Variants in CAP2 observed in about 807,000 individuals in gnomAD.
The protein encoded by CAP2 is adenylyl cyclase-associated protein 2.
Under a neutral mutation model 57.7 loss-of-function variants are expected in CAP2, and 24 were observed. That is an observed-to-expected ratio of 0.42 (90% CI 0.30 to 0.58). The LOEUF is 0.58. Among genes scored for constraint, CAP2 ranks in the 20% least tolerant of loss-of-function variants. CAP2 has a pLI of 0.22. For missense variants in CAP2, 501 were observed against 590.3 expected, an observed-to-expected ratio of 0.85 and a Z score of 1.57; for synonymous variants, 194 against 207.2, an observed-to-expected ratio of 0.94 and a Z score of 0.55.
rs186824235 is a variant in CAP2, at chr6:17,471,883, T to C, written c.300+8810T>C. Among the ~76,000 whole-genome samples the C allele has an allele frequency of 6.6e-3, 1,005 of 152,190 alleles. 2 individuals carry two copies. Among genetic ancestry groups the C allele is most frequent in the Non-Finnish European group, 0.011 (745 of 67,988 alleles). Reference sequence around the variant, plus strand: ...TGTATCACGCTTAGTTATGTTTCAGTTTAGCCATTTAGCCGTGGTATTTCC... The same window carrying C: ...TGTATCACGCTTAGTTATGTTTCAGCTTAGCCATTTAGCCGTGGTATTTCC... On this transcript the variant is annotated intron_variant, in intron 4 of 12. Transcript: ENST00000229922.
intron 7 of CAP2, among the ~76,000 whole-genome samples, chr6:17,528,053 A>G (rs1206582834): frequency 6.6e-6 from 1 of 152,222 alleles, no homozygotes; most frequent in Non-Finnish European, 1.5e-5. Context: ...GAGTACCCAT[A>G]CAGGCATTCT....
At chr6:17,530,018 C>G (rs560579171) in intron 7 of CAP2, among the ~76,000 whole-genome samples, 6 of 151,522 alleles carry the variant, frequency 4.0e-5, no homozygotes, top group African/African-American at 1.5e-4. Flanking sequence ...CATTGTTAGT[C>G]TCTATAGTTG....
In CAP2 at chr6:17,513,999, C is replaced by G. The variant is rs1215988304; in HGVS notation, c.636+45C>G. 2 of 1,116,358 alleles carry G rather than the reference C, an allele frequency of 1.8e-6. No individual in the cohort carries two copies. The highest frequency in any genetic ancestry group is 3.4e-5 in the Admixed American group (2 of 59,178). 69.2% of individuals were successfully genotyped at this position (1,116,358 alleles called of 1,614,324 possible). A position where few individuals can be genotyped will look rare whatever the true frequency, so the allele number is the denominator to read the frequency against. On this transcript the variant is annotated intron_variant, in intron 7 of 12. Coordinates refer to ENST00000229922, the MANE Select transcript of CAP2 (RefSeq NM_006366.3). The surrounding 1 kb of genome is among the most constrained non-coding windows in gnomAD (Gnocchi z 4.3). ...CCACGTGTGTAAAAAAAGGCCATGA[C>G]TATATATACACCCTGTGGCCCAGTA...
At chr6:17,514,028 T>C in intron 7 of CAP2, 74 bp downstream of exon 7, 1 of 942,752 alleles carries the variant, frequency 1.1e-6, no homozygotes, top group Middle Eastern at 2.1e-4. Context: ...CCCAGTAATC[T>C]CACACCTTAA....
chr6:17,453,906 T>TTC lies in CAP2; in HGVS notation c.223-9089_223-9088insCT, dbSNP rs1446695764. Among the ~76,000 whole-genome samples, 980 of 149,962 alleles carry TTC rather than the reference T, an allele frequency of 6.5e-3. 22 individuals carry two copies. The highest frequency in any genetic ancestry group is 0.022 in the African/African-American group (913 of 40,856). On this transcript the variant is annotated intron_variant, in intron 3 of 12. Transcript: ENST00000229922. ...GGGCTCTTTCTCTTTTTATTCTTTT[T>TTC]TTTTTTTTTTTTTCCTTGCCCAGGC...
intron 1 of CAP2, among the ~76,000 whole-genome samples, chr6:17,403,492 A>G (rs568285513): frequency 2.6e-5 from 4 of 152,340 alleles, no homozygotes; most frequent in Admixed American, 1.3e-4. Context: ...TTTCCAATAA[A>G]GTTGCTTTTT....
At chr6:17,547,927 T>C (rs1199231130) in intron 11 of CAP2, among the ~76,000 whole-genome samples, 1 of 151,816 alleles carries the variant, frequency 6.6e-6, no homozygotes, top group African/African-American at 2.4e-5. Context: ...AAAATGCCCT[T>C]ATTTCCCAAC....
In CAP2 at chr6:17,513,747, C is replaced by A. The variant is rs559986276; in HGVS notation, c.531-102C>A. ...GTTGCAAGGACGATTGCTCCGGGCTCCAGGGCCCCTAGTCACTAGATAACC... is the reference window on the plus strand; with the variant it reads ...GTTGCAAGGACGATTGCTCCGGGCTACAGGGCCCCTAGTCACTAGATAACC... On this transcript the variant is annotated intron_variant, in intron 6 of 12. Coordinates refer to ENST00000229922, the MANE Select transcript of CAP2 (RefSeq NM_006366.3). This position sits in a 1 kb window ranked among gnomAD's most constrained non-coding sequence, Gnocchi z 4.3. 1,097 of 753,140 alleles carry A rather than the reference C, an allele frequency of 1.5e-3. 3 individuals carry two copies. The highest frequency in any genetic ancestry group is 2.1e-3 in the Non-Finnish European group (905 of 432,560). The allele number at this position is 753,140 out of a possible 1,614,324, so 46.7% of individuals were successfully genotyped here. A position where few individuals can be genotyped will look rare whatever the true frequency, so the allele number is the denominator to read the frequency against.
intron 3 of CAP2, 26 bp downstream of exon 3, chr6:17,426,716 A>C: frequency 6.6e-7 from 1 of 1,508,400 alleles, no homozygotes; most frequent in African/African-American, 1.4e-5. Context: ...CCCTGTTCTC[A>C]GTAGAGAGTT....
At chr6:17,509,106 G>T (rs1762072972) in intron 6 of CAP2, among the ~76,000 whole-genome samples, 1 of 151,780 alleles carries the variant, frequency 6.6e-6, no homozygotes, top group Admixed American at 6.6e-5. Context: ...AGAACCAGAA[G>T]AAAAGGGTCT....
At chr6:17,526,418 A>G (rs1039070725) in intron 7 of CAP2, among the ~76,000 whole-genome samples, 1 of 152,014 alleles carries the variant, frequency 6.6e-6, no homozygotes, top group Non-Finnish European at 1.5e-5. Context: ...GCACCCAGCC[A>G]AAATGTGTCT....
intron 4 of CAP2, among the ~76,000 whole-genome samples, chr6:17,499,142 T>C (rs555618627): frequency 1.3e-4 from 20 of 152,238 alleles, no homozygotes; most frequent in African/African-American, 4.8e-4. Flanking sequence ...CTCACGCCTG[T>C]AATCCCAGCA....
intron 4 of CAP2, chr6:17,493,467 G>A: frequency 3.9e-6 from 1 of 256,904 alleles, no homozygotes. Flanking sequence ...TACCCATAAT[G>A]GAGGCTGGCT....
intron 4 of CAP2, among the ~76,000 whole-genome samples, chr6:17,494,179 G>A (rs1181083979): frequency 6.6e-6 from 1 of 152,188 alleles, no homozygotes; most frequent in Admixed American, 6.5e-5. Context: ...AGCAGCCAGA[G>A]CGATCCTTAG....
chr6:17,402,251 G>GT (rs1758837368), intron 1 of CAP2, among the ~76,000 whole-genome samples: 1 of 152,118 alleles, frequency 6.6e-6, no homozygotes, highest in African/African-American at 2.4e-5. Context: ...TGTGAAAAGC[G>GT]TATGTCTACC....
intron 1 of CAP2, among the ~76,000 whole-genome samples, chr6:17,402,308 T>G (rs1232225358): frequency 2.0e-5 from 3 of 152,238 alleles, no homozygotes; most frequent in African/African-American, 7.2e-5. Flanking sequence ...CTAACCCATT[T>G]TAGTAAATTG....
chr6:17,471,808 G>A (rs1215196537), intron 4 of CAP2, among the ~76,000 whole-genome samples: 1 of 148,892 alleles, frequency 6.7e-6, no homozygotes, highest in Non-Finnish European at 1.5e-5. Flanking sequence ...TCCAGCCTGG[G>A]CAACAGAGCC....
At position 17,513,991 on chromosome 6, in the gene CAP2, G is replaced by A; in HGVS notation, c.636+37G>A. 1 of 1,256,802 alleles carries A rather than the reference G, an allele frequency of 8.0e-7. No homozygotes were observed. Among genetic ancestry groups the A allele is most frequent in the Non-Finnish European group, 1.2e-6 (1 of 854,186 alleles). 77.9% of individuals were successfully genotyped at this position (1,256,802 alleles called of 1,614,324 possible). On this transcript the variant is annotated intron_variant, in intron 7 of 12. Coordinates refer to ENST00000229922, the MANE Select transcript of CAP2 (RefSeq NM_006366.3). This position sits in a 1 kb window ranked among gnomAD's most constrained non-coding sequence, Gnocchi z 4.3. ...GCCTTCCTCCACGTGTGTAAAAAAA[G>A]GCCATGACTATATATACACCCTGTG...
intron 12 of CAP2, 70 bp downstream of exon 12, chr6:17,551,674 T>C: frequency 8.3e-7 from 1 of 1,204,878 alleles, no homozygotes; most frequent in Admixed American, 2.2e-5. Flanking sequence ...TAGAGATTGA[T>C]TAATCAGCTA....
Sources: gnomAD v4.1 joint callset for allele counts (sites outside exome capture counted in the v4.1 genomes callset) on GRCh38, gnomAD v4.1.1 for gene constraint, Gnocchi (gnomAD v3.1) non-coding constraint, MANE v1.5 for transcripts, NCBI Gene and HGNC (gene_info 2026-07-23, HGNC 2026-07-21) for gene names.